DGKG: variants seen among roughly 807,000 people sequenced by gnomAD.
The protein encoded by DGKG is DAG kinase gamma.
A neutral mutation model predicts 105.3 loss-of-function variants in DGKG; 78 were observed. The observed-to-expected ratio is 0.74, with a 90% confidence interval of 0.62 to 0.89. DGKG has a LOEUF of 0.89. Ranked by LOEUF, DGKG falls within the 40% of genes least tolerant of loss-of-function variation. The pLI is 0.00. For synonymous variants in DGKG, 346 were observed against 367.1 expected (o/e 0.94, Z 0.66); for missense variants, 958 against 1,020.1 (o/e 0.94, Z 0.83).
At chr3:186,353,552 T>C (rs542872536) in intron 1 of DGKG, among the ~76,000 whole-genome samples, 14 of 138,096 alleles carry the variant, frequency 1.0e-4, no homozygotes, top group African/African-American at 4.0e-4. Flanking sequence ...CTTTTATATA[T>C]ACTTTTATGT....
At chr3:186,265,523 C>T (rs866362722) in intron 13 of DGKG, among the ~76,000 whole-genome samples, 12 of 152,210 alleles carry the variant, frequency 7.9e-5, no homozygotes, top group African/African-American at 1.4e-4. Context: ...GATGACATCA[C>T]GGGCTGACTT....
In DGKG at chr3:186,148,534, C is replaced by T; in HGVS notation, c.*1556G>A. ...TTTGTTCCTCCCTGGCAACCTGGATCCAAGTGGACTCACTTTTCAGTGACC... is the reference window on the plus strand; with the variant it reads ...TTTGTTCCTCCCTGGCAACCTGGATTCAAGTGGACTCACTTTTCAGTGACC... On this transcript the variant is annotated 3_prime_UTR_variant, in exon 25 of 25. Transcript: ENST00000265022. 1 of 985,470 alleles carries T rather than the reference C, an allele frequency of 1.0e-6. No homozygotes were observed. The highest frequency in any genetic ancestry group is 1.1e-4 in the East Asian group (1 of 8,814). The allele number at this position is 985,470 out of a possible 1,614,324, so 61.0% of individuals were successfully genotyped here.
At chr3:186,223,842 C>T (rs1719719385) in intron 20 of DGKG, among the ~76,000 whole-genome samples, 1 of 152,212 alleles carries the variant, frequency 6.6e-6, no homozygotes. Context: ...CTCACCTGGC[C>T]TGGTGGTGCA....
At chr3:186,173,020 CT>C (rs1183454687) in intron 22 of DGKG, among the ~76,000 whole-genome samples, 5 of 152,234 alleles carry the variant, frequency 3.3e-5, no homozygotes, top group African/African-American at 1.2e-4. Flanking sequence ...TGGCAGCTGG[CT>C]GCCCTCTGGC....
chr3:186,269,486 G>T (rs1283204455), intron 11 of DGKG, among the ~76,000 whole-genome samples: 2 of 152,192 alleles, frequency 1.3e-5, no homozygotes, highest in South Asian at 2.1e-4. Flanking sequence ...GTGCAGTCCT[G>T]GCCCTTTGGG....
At chr3:186,229,442 A>T (rs1039879537) in intron 20 of DGKG, among the ~76,000 whole-genome samples, 9 of 151,968 alleles carry the variant, frequency 5.9e-5, no homozygotes, top group African/African-American at 2.2e-4. Flanking sequence ...ACGGGGTTTC[A>T]CCATGTTGGC....
chr3:186,326,508 A>G (rs1265048871), intron 1 of DGKG, among the ~76,000 whole-genome samples: 1 of 151,186 alleles, frequency 6.6e-6, no homozygotes, highest in Non-Finnish European at 1.5e-5. Flanking sequence ...TACACCTCCA[A>G]CTCCAGTCCG....
chr3:186,287,279 TAAG>T (rs1460406255), intron 6 of DGKG, among the ~76,000 whole-genome samples: 1 of 152,140 alleles, frequency 6.6e-6, no homozygotes, highest in Non-Finnish European at 1.5e-5. Context: ...AGGTTATATT[TAAG>T]AAGAAGAGTC....
At position 186,148,235 on chromosome 3, in the gene DGKG, C is replaced by G; in HGVS notation, c.*1855G>C. The stretch of plus-strand genomic sequence containing the variant: ...AGCCCACTGAGCTCTGCTGAGACCC[C>G]TCTGTCCTGGCTGGCAGTATCTTGC... On this transcript the variant is annotated 3_prime_UTR_variant, in exon 25 of 25. Transcript: ENST00000265022. 1.0e-6 allele frequency: 1 copy of G among 985,504 alleles called. No individual in the cohort carries two copies. The highest frequency in any genetic ancestry group is 1.2e-6 in the Non-Finnish European group (1 of 829,972). The allele number at this position is 985,504 out of a possible 1,614,324, so 61.0% of individuals were successfully genotyped here. A position where few individuals can be genotyped will look rare whatever the true frequency, so the allele number is the denominator to read the frequency against.
At position 186,203,554 on chromosome 3, in the gene DGKG, G is replaced by C. The variant is rs1470115968; in HGVS notation, c.1917+8241C>G. Among the ~76,000 whole-genome samples the C allele has an allele frequency of 6.6e-6, 1 of 152,170 alleles. No homozygotes were observed. Among genetic ancestry groups the C allele is most frequent in the Non-Finnish European group, 1.5e-5 (1 of 68,034 alleles). ...ACCAAGTGGTGAGAACCGGTGAATG[G>C]GCAAGAAGAAGCAACCAGAAGTGGC... is the stretch of plus-strand genomic sequence containing the variant. On this transcript the variant is annotated intron_variant, in intron 21 of 24. Coordinates refer to ENST00000265022, the MANE Select transcript of DGKG (RefSeq NM_001346.3). This position sits in a 1 kb window ranked among gnomAD's most constrained non-coding sequence, Gnocchi z 4.9.
At position 186,150,009 on chromosome 3, in the gene DGKG, A is replaced by C; in HGVS notation, c.*81T>G. The stretch of plus-strand genomic sequence containing the variant: ...ATGTGTGTGTGTGTGTGCATGTGTG[A>C]GTGTGCACATAAATTGTGTGTGAGT... On this transcript the variant is annotated 3_prime_UTR_variant, in exon 25 of 25. Transcript: ENST00000265022. The C allele has an allele frequency of 6.6e-7, 1 of 1,526,116 alleles. No individual in the cohort carries two copies. Among genetic ancestry groups the C allele is most frequent in the Non-Finnish European group, 8.8e-7 (1 of 1,135,906 alleles). 94.5% of individuals were successfully genotyped at this position (1,526,116 alleles called of 1,614,324 possible). A position where few individuals can be genotyped will look rare whatever the true frequency, so the allele number is the denominator to read the frequency against.
At chr3:186,196,723 C>T (rs1321630014) in intron 21 of DGKG, among the ~76,000 whole-genome samples, 1 of 152,104 alleles carries the variant, frequency 6.6e-6, no homozygotes, top group Non-Finnish European at 1.5e-5. Context: ...CAACATGGGA[C>T]ATTAGAGATC....
chr3:186,250,557 C>CTTTTTTTTTTTTTTTTTTTTTTTTT lies in DGKG; in HGVS notation c.1761+1201_1761+1202insAAAAAAAAAAAAAAAAAAAAAAAAA, dbSNP rs10529645. On this transcript the variant is annotated intron_variant, in intron 19 of 24. Coordinates refer to ENST00000265022, the MANE Select transcript of DGKG (RefSeq NM_001346.3). ...CAAATAGTTCAATAATTCTGTCATT[C>CTTTTTTTTTTTTTTTTTTTTTTTTT]TTTTTTTTTTGAGACAGAGTCTCGC... is the stretch of plus-strand genomic sequence containing the variant. Among the ~76,000 whole-genome samples the CTTTTTTTTTTTTTTTTTTTTTTTTT allele has an allele frequency of 2.6e-5, 3 of 116,178 alleles. 1 individual carries two copies. The highest frequency in any genetic ancestry group is 3.4e-5 in the Non-Finnish European group (2 of 59,398). The allele number at this position is 116,178 out of a possible 152,430, so 76.2% of individuals were successfully genotyped here.
At chr3:186,265,214 A>T (rs1055227280) in intron 14 of DGKG, 33 bp downstream of exon 14, 1 of 1,610,546 alleles carries the variant, frequency 6.2e-7, no homozygotes, top group African/African-American at 1.3e-5. Flanking sequence ...AACAACTTAG[A>T]AGGTGCAATC....
chr3:186,162,706 A>AT (rs34164960), intron 23 of DGKG, among the ~76,000 whole-genome samples: 58,433 of 151,506 alleles, frequency 0.39, 13,376 homozygotes, highest in East Asian at 0.75. Flanking sequence ...TGTCCAGCTA[A>AT]TTTTTTTTTG....
At chr3:186,266,577 A>G (rs1310599863) in intron 13 of DGKG, among the ~76,000 whole-genome samples, 1 of 152,062 alleles carries the variant, frequency 6.6e-6, no homozygotes, top group African/African-American at 2.4e-5. Flanking sequence ...TGATTTTCCA[A>G]TGTGTTGGTA....
At chr3:186,353,344 C>T (rs1578872525) in intron 1 of DGKG, among the ~76,000 whole-genome samples, 1 of 151,930 alleles carries the variant, frequency 6.6e-6, no homozygotes, top group South Asian at 2.1e-4. Context: ...CATGGTGAAA[C>T]CCCATCTCTA....
Position 186,165,009 on chromosome 3 carries a change from T to C in DGKG, c.2105A>G (p.Asp702Gly). Reference sequence around the variant, plus strand: ...TAGCCCCACCACTTCAAGGAGCTGGTCACTGAGGTCTGCAGAGCGAGACAG... The same window carrying C: ...TAGCCCCACCACTTCAAGGAGCTGGCCACTGAGGTCTGCAGAGCGAGACAG... ...ELKFCVQDLS[D>G]QLLEVVGLEG... The change falls in exon 23 of 25, where the codon GAC (aspartate) becomes GGC (glycine). Residue 702 changes from aspartate (D) to glycine (G), a missense_variant. By Grantham distance (94) the Asp-to-Gly change is moderately conservative. Coordinates refer to ENST00000265022, the MANE Select transcript of DGKG (RefSeq NM_001346.3). The C allele has an allele frequency of 6.2e-7, 1 of 1,613,526 alleles. No individual in the cohort carries two copies. The highest frequency in any genetic ancestry group is 8.5e-7 in the Non-Finnish European group (1 of 1,179,812).
intron 23 of DGKG, among the ~76,000 whole-genome samples, chr3:186,162,858 TA>T (rs1019257153): frequency 6.6e-6 from 1 of 151,976 alleles, no homozygotes; most frequent in Non-Finnish European, 1.5e-5. Context: ...CAATCCTTTT[TA>T]AAAATCTCCT....
Sources: allele counts gnomAD v4.1 joint callset (sites outside exome capture counted in the v4.1 genomes callset), GRCh38; gene constraint gnomAD v4.1.1; non-coding constraint Gnocchi (gnomAD v3.1); transcripts MANE v1.5; gene names NCBI Gene and HGNC (gene_info 2026-07-23, HGNC 2026-07-21).